MACROD2: variants seen among roughly 807,000 people sequenced by gnomAD.
MACROD2 encodes the protein mono-ADP ribosylhydrolase 2.
In MACROD2, 36 loss-of-function variants were observed where a neutral mutation model predicts 70.4. The observed-to-expected ratio is 0.51, with a 90% CI of 0.39 to 0.68. The LOEUF is 0.68. Among genes scored for constraint, MACROD2 ranks in the 30% least tolerant of loss-of-function variants. The probability of loss-of-function intolerance (pLI) is 0.00; values close to 1 mark genes in which losing one functional copy is unlikely to be tolerated. For synonymous variants in MACROD2, 172 were observed against 178.8 expected (o/e 0.96, Z 0.30); for missense variants, 496 against 538.4 (o/e 0.92, Z 0.78).
intron 3 of MACROD2, among the ~76,000 whole-genome samples, chr20:14,151,875 G>T (rs2055028018): frequency 1.6e-5 from 2 of 126,786 alleles, no homozygotes; most frequent in African/African-American, 6.1e-5. Context: ...AGGCTGGAGT[G>T]CAGTGGCACA....
chr20:14,485,027 GTT>G (rs34614883), intron 3 of MACROD2, among the ~76,000 whole-genome samples: 1 of 150,272 alleles, frequency 6.7e-6, no homozygotes, highest in Admixed American at 6.6e-5. Context: ...CTCTGTTTTT[GTT>G]TTTTTTTGTG....
intron 3 of MACROD2, among the ~76,000 whole-genome samples, chr20:14,129,831 A>C (rs1330777602): frequency 6.6e-6 from 1 of 152,224 alleles, no homozygotes; most frequent in Middle Eastern, 3.2e-3. Context: ...TTTGGCAATA[A>C]AGTATTTTTT....
At chr20:15,798,948 G>C (rs16996568) in intron 8 of MACROD2, among the ~76,000 whole-genome samples, 11,312 of 152,148 alleles carry the variant, frequency 0.074, 971 homozygotes, top group East Asian at 0.3. Flanking sequence ...GGGATAGAAT[G>C]AAAACAAATG....
At chr20:14,027,736 G>A (rs922632091) in intron 2 of MACROD2, among the ~76,000 whole-genome samples, 1 of 152,188 alleles carries the variant, frequency 6.6e-6, no homozygotes, top group African/African-American at 2.4e-5. Flanking sequence ...GGTATCACCA[G>A]CAGAGGCTGC....
chr20:14,934,629 A>C lies in MACROD2; in HGVS notation c.418+249670A>C, dbSNP rs572423459. Among the ~76,000 whole-genome samples, 12 of 152,156 alleles carry C rather than the reference A, an allele frequency of 7.9e-5. 1 individual carries two copies. The highest frequency in any genetic ancestry group is 3.4e-3 in the Middle Eastern group (1 of 294). On this transcript the variant is annotated intron_variant, in intron 5 of 17. Coordinates refer to ENST00000684519, the MANE Select transcript of MACROD2 (RefSeq NM_001351661.2). ...TGGTGAAACCTTGTCTCTATCAAAA[A>C]TACAAAAATTAGCTGGGTGTGGTGG... is the stretch of plus-strand genomic sequence containing the variant.
chr20:15,468,342 A>G (rs992536295), intron 7 of MACROD2, among the ~76,000 whole-genome samples: 2 of 152,096 alleles, frequency 1.3e-5, no homozygotes, highest in African/African-American at 4.8e-5. Context: ...GTTAGTGGGA[A>G]GAAATTGGGT....
At chr20:14,408,372 C>G (rs2083713616) in intron 3 of MACROD2, among the ~76,000 whole-genome samples, 1 of 152,128 alleles carries the variant, frequency 6.6e-6, no homozygotes, top group South Asian at 2.1e-4. Flanking sequence ...CACTCGCTAA[C>G]AGAATGAAAG....
chr20:15,471,890 T>C (rs770349860), intron 7 of MACROD2, among the ~76,000 whole-genome samples: 3 of 152,146 alleles, frequency 2.0e-5, no homozygotes, highest in Non-Finnish European at 2.9e-5. Flanking sequence ...CCAAACTAAA[T>C]ATTTTTCTTT....
At chr20:15,476,247 C>A (rs762859417) in intron 7 of MACROD2, among the ~76,000 whole-genome samples, 1 of 152,050 alleles carries the variant, frequency 6.6e-6, no homozygotes, top group Non-Finnish European at 1.5e-5. Flanking sequence ...GCCTTATTAC[C>A]CCTTAAAATT....
At chr20:14,903,225 GA>G (rs907858544) in intron 5 of MACROD2, among the ~76,000 whole-genome samples, 1 of 151,828 alleles carries the variant, frequency 6.6e-6, no homozygotes. Context: ...ATTCTTAGTA[GA>G]GACGGGGTTT....
At chr20:14,613,283 C>T (rs532981080) in intron 4 of MACROD2, among the ~76,000 whole-genome samples, 3 of 152,208 alleles carry the variant, frequency 2.0e-5, no homozygotes, top group Admixed American at 6.5e-5. Context: ...ATGATTCATA[C>T]GCATTCCCCA....
At chr20:14,191,270 T>C (rs1480215125) in intron 3 of MACROD2, among the ~76,000 whole-genome samples, 3 of 152,164 alleles carry the variant, frequency 2.0e-5, no homozygotes, top group Admixed American at 2.0e-4. Flanking sequence ...CCTTGATATT[T>C]TCCCTAAGCA....
At chr20:15,532,636 G>T (rs1485126948) in intron 8 of MACROD2, among the ~76,000 whole-genome samples, 1 of 150,564 alleles carries the variant, frequency 6.6e-6, no homozygotes, top group Non-Finnish European at 1.5e-5. Context: ...ACAAACAAGT[G>T]AAACAAAACA....
intron 3 of MACROD2, among the ~76,000 whole-genome samples, chr20:14,276,174 A>C (rs112969019): frequency 6.6e-6 from 1 of 152,164 alleles, no homozygotes; most frequent in Non-Finnish European, 1.5e-5. Flanking sequence ...AGACACATGC[A>C]CGCGTATGTT....
At chr20:15,208,367 A>G (rs1035492812) in intron 5 of MACROD2, among the ~76,000 whole-genome samples, 2 of 152,130 alleles carry the variant, frequency 1.3e-5, no homozygotes, top group Admixed American at 6.5e-5. Flanking sequence ...TTTAAAAATG[A>G]TGGTTCCTTT....
intron 8 of MACROD2, among the ~76,000 whole-genome samples, chr20:15,835,021 C>G (rs1201286024): frequency 1.4e-4 from 22 of 152,172 alleles, no homozygotes; most frequent in Non-Finnish European, 2.9e-5. Context: ...GGAAGCCAAC[C>G]TTCATGCCAT....
chr20:14,571,935 A>T (rs1275327004), intron 4 of MACROD2, among the ~76,000 whole-genome samples: 1 of 152,126 alleles, frequency 6.6e-6, no homozygotes, highest in Non-Finnish European at 1.5e-5. Context: ...AAGACTGCCC[A>T]GATATACAGT....
At chr20:15,559,521 C>T (rs1401585129) in intron 8 of MACROD2, among the ~76,000 whole-genome samples, 2 of 152,124 alleles carry the variant, frequency 1.3e-5, no homozygotes, top group Admixed American at 6.5e-5. Context: ...TTCTTGCCAC[C>T]CCATAAAATG....
At chr20:15,502,636 CAGGAG>C (rs1314879708) in intron 8 of MACROD2, among the ~76,000 whole-genome samples, 1 of 152,032 alleles carries the variant, frequency 6.6e-6, no homozygotes, top group Non-Finnish European at 1.5e-5. Context: ...TAAATCCAGG[CAGGAG>C]ATGAGGGTGC....
Sources: allele counts gnomAD v4.1 joint callset (sites outside exome capture counted in the v4.1 genomes callset), GRCh38; gene constraint gnomAD v4.1.1; transcripts MANE v1.5; gene names NCBI Gene and HGNC (gene_info 2026-07-23, HGNC 2026-07-21).